MAPRE2: variants seen among roughly 807,000 people sequenced by gnomAD.
MAPRE2 encodes microtubule-associated protein RP/EB family member 2.
MAPRE2 carries 13 observed loss-of-function variants against 43.2 expected under a neutral mutation model. The observed-to-expected ratio is 0.30, with a 90% CI of 0.20 to 0.48. The LOEUF (loss-of-function observed/expected upper bound fraction) is 0.48, where lower values mean the gene tolerates loss of function less well. MAPRE2 is among the 20% of genes least tolerant of loss of function. The pLI, the probability that MAPRE2 is intolerant of heterozygous loss-of-function variation, is 0.99. For missense variants in MAPRE2, 161 were observed against 400.2 expected (o/e 0.40, Z 5.10); for synonymous variants, 135 against 148.8 (o/e 0.91, Z 0.68).
chr18:35,014,087 A>G (rs1252978032), intron 2 of MAPRE2, among the ~76,000 whole-genome samples: 1 of 152,160 alleles, frequency 6.6e-6, no homozygotes, highest in Non-Finnish European at 1.5e-5. Context: ...TGCAACAAGC[A>G]AGAATCCGAA....
intron 2 of MAPRE2, among the ~76,000 whole-genome samples, chr18:35,006,772 G>A (rs2097032062): frequency 6.6e-6 from 1 of 152,160 alleles, no homozygotes; most frequent in Non-Finnish European, 1.5e-5. Flanking sequence ...AGACCACTCT[G>A]GCCAACATGG....
chr18:35,014,095 G>A (rs986470390), intron 2 of MAPRE2, among the ~76,000 whole-genome samples: 3 of 152,092 alleles, frequency 2.0e-5, no homozygotes, highest in Non-Finnish European at 2.9e-5. Flanking sequence ...GCAAGAATCC[G>A]AATAAGATGG....
At chr18:35,019,929 A>G (rs1415980663) in intron 2 of MAPRE2, among the ~76,000 whole-genome samples, 2 of 152,074 alleles carry the variant, frequency 1.3e-5, no homozygotes, top group Non-Finnish European at 2.9e-5. Context: ...ATTCTTAAGA[A>G]CAATGGATGA....
At position 35,041,493 on chromosome 18, in the gene MAPRE2, C is replaced by G; in HGVS notation, c.-47C>G. 3 of 1,613,644 alleles carry G rather than the reference C, an allele frequency of 1.9e-6. No individual in the cohort carries two copies. The highest frequency in any genetic ancestry group is 2.5e-6 in the Non-Finnish European group (3 of 1,179,810). On this transcript the variant is annotated 5_prime_UTR_variant, in exon 1 of 7. Coordinates refer to ENST00000300249, the MANE Select transcript of MAPRE2 (RefSeq NM_014268.4). The stretch of plus-strand genomic sequence containing the variant: ...AGCGGGAAGACGCAGCCACCTTCCT[C>G]ACCAGCCAGCCCACAGCGGTTTGTT...
chr18:35,017,691 A>G (rs949620921), intron 2 of MAPRE2, among the ~76,000 whole-genome samples: 5 of 151,620 alleles, frequency 3.3e-5, no homozygotes, highest in African/African-American at 1.2e-4. Context: ...CTGAAACTTT[A>G]TTGAAGTTGT....
Position 35,041,437 on chromosome 18 carries a change from G to C in MAPRE2, c.-103G>C. On this transcript the variant is annotated 5_prime_UTR_variant, in exon 1 of 7. Coordinates refer to ENST00000300249, the MANE Select transcript of MAPRE2 (RefSeq NM_014268.4). ...GGAGAAGGCAGTGAGCGAGCAGGCG[G>C]CAGGCACGGTCCGTGCGGAGCAGGC... 3.2e-6 allele frequency: 5 copies of C among 1,583,544 alleles called. No homozygotes were observed. In the South Asian group the frequency reaches 5.6e-5, roughly 18 times the overall value.
chr18:34,986,039 CTTA>C (rs2150572620), intron 1 of MAPRE2, among the ~76,000 whole-genome samples: 1 of 152,004 alleles, frequency 6.6e-6, no homozygotes, highest in South Asian at 2.1e-4. Context: ...TTGGTCCCAA[CTTA>C]TTATAAACAT....
chr18:35,043,892 A>G (rs1257102339), intron 1 of MAPRE2, among the ~76,000 whole-genome samples: 1 of 152,222 alleles, frequency 6.6e-6, no homozygotes, highest in East Asian at 1.9e-4. Context: ...GGCATAGGAA[A>G]AGGAAAAATG....
chr18:35,079,193 A>G (rs1182697636), intron 2 of MAPRE2, among the ~76,000 whole-genome samples: 1 of 152,182 alleles, frequency 6.6e-6, no homozygotes, highest in Non-Finnish European at 1.5e-5. Context: ...ATCCCAGGCT[A>G]GCTTTTGAAC....
chr18:35,114,734 A>G (rs1178911998), intron 4 of MAPRE2, among the ~76,000 whole-genome samples: 2 of 152,204 alleles, frequency 1.3e-5, no homozygotes, highest in Non-Finnish European at 2.9e-5. Context: ...TCCTCCCTGC[A>G]CTGGAAGGCA....
At chr18:35,091,289 A>G (rs1908135912) in intron 2 of MAPRE2, among the ~76,000 whole-genome samples, 2 of 152,232 alleles carry the variant, frequency 1.3e-5, no homozygotes, top group Non-Finnish European at 2.9e-5. Flanking sequence ...ATTATTAAAA[A>G]TACTGTATAA....
At chr18:35,094,625 A>G (rs903430039) in intron 2 of MAPRE2, among the ~76,000 whole-genome samples, 1 of 152,236 alleles carries the variant, frequency 6.6e-6, no homozygotes, top group African/African-American at 2.4e-5. Context: ...GTAGAAGTTA[A>G]TCCTGGCAGG....
At chr18:35,067,197 T>C (rs1041038153) in intron 1 of MAPRE2, among the ~76,000 whole-genome samples, 6 of 152,194 alleles carry the variant, frequency 3.9e-5, no homozygotes, top group African/African-American at 1.4e-4. Context: ...CCCAGAATTT[T>C]TCTAAAGCCC....
In MAPRE2 at chr18:35,141,305, T is replaced by G. The variant is rs988940633; in HGVS notation, c.*936T>G. On this transcript the variant is annotated 3_prime_UTR_variant, in exon 7 of 7. Coordinates refer to ENST00000300249, the MANE Select transcript of MAPRE2 (RefSeq NM_014268.4). ...GTCATTCACTCTAGGGGACCCCTAC[T>G]AAAGGGTAACTTCAGGTGTGCAGCC... 2 of 152,242 alleles carry G rather than the reference T, an allele frequency of 1.3e-5. No homozygotes were observed. The highest frequency in any genetic ancestry group is 1.3e-4 in the Admixed American group (2 of 15,282). The allele number at this position is 152,242 out of a possible 1,614,324, so 9.4% of individuals were successfully genotyped here. A position where few individuals can be genotyped will look rare whatever the true frequency, so the allele number is the denominator to read the frequency against.
At chr18:35,092,048 A>G (rs1908176174) in intron 2 of MAPRE2, among the ~76,000 whole-genome samples, 2 of 152,194 alleles carry the variant, frequency 1.3e-5, no homozygotes, top group Admixed American at 1.3e-4. Flanking sequence ...GAGTTGCTTC[A>G]CACTTGCTAC....
intron 2 of MAPRE2, among the ~76,000 whole-genome samples, chr18:35,015,358 A>T (rs2097037478): frequency 6.6e-6 from 1 of 152,152 alleles, no homozygotes; most frequent in African/African-American, 2.4e-5. Context: ...AATAAACTTT[A>T]TTTGATGCCT....
intron 2 of MAPRE2, among the ~76,000 whole-genome samples, chr18:35,028,878 T>C (rs1430583239): frequency 1.3e-5 from 2 of 152,198 alleles, no homozygotes; most frequent in African/African-American, 4.8e-5. Flanking sequence ...ATTCCAAGCA[T>C]TGATTCTAGA....
At chr18:35,137,736 C>T (rs1158630686) in intron 6 of MAPRE2, among the ~76,000 whole-genome samples, 1 of 152,124 alleles carries the variant, frequency 6.6e-6, no homozygotes, top group African/African-American at 2.4e-5. Flanking sequence ...TGTGTAGCCA[C>T]CCAGCAAGAA....
intron 1 of MAPRE2, among the ~76,000 whole-genome samples, chr18:34,996,520 C>A (rs948177561): frequency 1.3e-5 from 2 of 152,062 alleles, no homozygotes; most frequent in African/African-American, 4.8e-5. Flanking sequence ...ATCCCAGCAC[C>A]CAACATGGTA....
Sources: allele counts gnomAD v4.1 joint callset (sites outside exome capture counted in the v4.1 genomes callset), GRCh38; gene constraint gnomAD v4.1.1; transcripts MANE v1.5; gene names NCBI Gene and HGNC (gene_info 2026-07-23, HGNC 2026-07-21).